MRTFA: variants seen among roughly 807,000 people sequenced by gnomAD.
The protein encoded by MRTFA is myocardin related transcription factor A.
In MRTFA, 20 loss-of-function variants were observed where a neutral mutation model predicts 83.5. The ratio of observed to expected loss-of-function variants is 0.24; its 90% confidence interval spans 0.17 to 0.35. The LOEUF is 0.35. Among genes scored for constraint, MRTFA ranks in the 10% least tolerant of loss-of-function variants. The pLI is 1.00. For synonymous variants in MRTFA, 659 were observed against 541.2 expected, an observed-to-expected ratio of 1.22 and a Z score of -3.02; for missense variants, 1,200 against 1,224.7, an observed-to-expected ratio of 0.98 and a Z score of 0.30.
chr22:40,633,250 A>G (rs2056659968), intron 1 of MRTFA, among the ~76,000 whole-genome samples: 1 of 152,206 alleles, frequency 6.6e-6, no homozygotes, highest in South Asian at 2.1e-4. Flanking sequence ...CGGAGTAAAT[A>G]TATATTTGTT....
At chr22:40,432,582 A>G (rs2053089122) in intron 5 of MRTFA, among the ~76,000 whole-genome samples, 1 of 152,066 alleles carries the variant, frequency 6.6e-6, no homozygotes, top group African/African-American at 2.4e-5. Context: ...ACATTAGTGG[A>G]TCAAGACCAG....
intron 7 of MRTFA, among the ~76,000 whole-genome samples, chr22:40,428,241 T>C (rs1012096946): frequency 6.6e-6 from 1 of 152,124 alleles, no homozygotes; most frequent in Admixed American, 6.6e-5. Context: ...TGGGGCTAAG[T>C]CTTGTGGGAC....
chr22:40,622,346 T>C (rs2056533268), intron 1 of MRTFA, among the ~76,000 whole-genome samples: 1 of 152,008 alleles, frequency 6.6e-6, no homozygotes, highest in Non-Finnish European at 1.5e-5. Flanking sequence ...CCAGGTATGA[T>C]GGTGGCCTCC....
chr22:40,573,247 CTTTT>C (rs945880853), intron 2 of MRTFA, among the ~76,000 whole-genome samples: 1 of 151,878 alleles, frequency 6.6e-6, no homozygotes, highest in African/African-American at 2.4e-5. Flanking sequence ...TATTTTTGGT[CTTTT>C]TTTTGTTTTG....
intron 4 of MRTFA, among the ~76,000 whole-genome samples, chr22:40,446,917 C>G (rs2053388992): frequency 6.6e-6 from 1 of 152,114 alleles, no homozygotes. Context: ...GGAGCTTATA[C>G]TTAATTGAAG....
At chr22:40,448,692 C>T (rs547583010) in intron 4 of MRTFA, among the ~76,000 whole-genome samples, 14 of 152,288 alleles carry the variant, frequency 9.2e-5, no homozygotes, top group African/African-American at 2.6e-4. Context: ...ACAAATTCTC[C>T]TATTTCTTTT....
chr22:40,539,425 C>T (rs775679019), intron 3 of MRTFA, among the ~76,000 whole-genome samples: 4 of 151,172 alleles, frequency 2.6e-5, no homozygotes, highest in Non-Finnish European at 5.9e-5. Context: ...CTGCAACCTC[C>T]ACCTCCTGGG....
chr22:40,417,564 G>A, intron 12 of MRTFA, 71 bp from the exon 13 acceptor site: 1 of 395,358 alleles, frequency 2.5e-6, no homozygotes, highest in Non-Finnish European at 4.8e-6. Flanking sequence ...GTAGGGGGCG[G>A]GGGGCGGGGA....
chr22:40,586,109 G>A (rs2056023660), intron 2 of MRTFA, among the ~76,000 whole-genome samples: 1 of 152,174 alleles, frequency 6.6e-6, no homozygotes, highest in East Asian at 1.9e-4. Context: ...CATTGCCCTA[G>A]AGACTGATAA....
rs181733206 is a variant in MRTFA, at chr22:40,475,903, G to A, written c.242-12617C>T. ...CTCACGCCTGTATTCCCAGCACTTC[G>A]GGAGGCCGAGGCGGGTGGATCACGA... On this transcript the variant is annotated intron_variant, in intron 3 of 14. Transcript: ENST00000355630. 1.4e-4 allele frequency among the ~76,000 whole-genome samples: 22 copies of A among 152,290 alleles called. No homozygotes were observed. The East Asian group carries it at 2.9e-3, about 20-fold the overall frequency.
intron 3 of MRTFA, among the ~76,000 whole-genome samples, chr22:40,546,488 G>A (rs1237495573): frequency 6.6e-6 from 1 of 152,184 alleles, no homozygotes; most frequent in Non-Finnish European, 1.5e-5. Flanking sequence ...ATGCAAAGAG[G>A]TCAAGTAGCA....
intron 2 of MRTFA, among the ~76,000 whole-genome samples, chr22:40,584,667 T>C (rs1300710574): frequency 1.3e-5 from 2 of 149,022 alleles, no homozygotes; most frequent in Non-Finnish European, 3.0e-5. Flanking sequence ...GAGGCAGAGG[T>C]TGTGGTGAGC....
chr22:40,429,922 G>T (rs932956599), intron 6 of MRTFA, among the ~76,000 whole-genome samples, 155 bp from the exon 7 acceptor site: 4 of 152,082 alleles, frequency 2.6e-5, no homozygotes, highest in Admixed American at 2.6e-4. Flanking sequence ...CTGTCTTGAA[G>T]TTTCACAAAG....
intron 2 of MRTFA, among the ~76,000 whole-genome samples, chr22:40,583,317 G>A (rs2055977955): frequency 6.6e-6 from 1 of 152,100 alleles, no homozygotes; most frequent in African/African-American, 2.4e-5. Context: ...TCACAAACTA[G>A]GCAGTCAGAA....
intron 12 of MRTFA, 31 bp from the exon 13 acceptor site, chr22:40,417,524 G>GC: frequency 8.0e-7 from 1 of 1,243,278 alleles, no homozygotes; most frequent in Non-Finnish European, 1.1e-6. Flanking sequence ...AGGACCAGTG[G>GC]CCAGGGGGCT....
At chr22:40,504,261 C>A (rs1026025979) in intron 3 of MRTFA, among the ~76,000 whole-genome samples, 1 of 152,080 alleles carries the variant, frequency 6.6e-6, no homozygotes, top group African/African-American at 2.4e-5. Flanking sequence ...CATCTGTAAT[C>A]CCAGGTACTT....
intron 1 of MRTFA, among the ~76,000 whole-genome samples, chr22:40,608,111 G>A (rs1055644748): frequency 7.9e-5 from 12 of 152,084 alleles, no homozygotes; most frequent in Admixed American, 1.3e-4. Context: ...TGCAACCTCC[G>A]CCTCCTGGGT....
intron 2 of MRTFA, among the ~76,000 whole-genome samples, chr22:40,557,430 G>C (rs2055540632): frequency 6.6e-6 from 1 of 152,122 alleles, no homozygotes; most frequent in Admixed American, 6.6e-5. Flanking sequence ...CTTGGTGTGA[G>C]ATTAAGTAAA....
At chr22:40,560,270 T>C (rs2055593924) in intron 2 of MRTFA, among the ~76,000 whole-genome samples, 1 of 152,184 alleles carries the variant, frequency 6.6e-6, no homozygotes, top group African/African-American at 2.4e-5. Context: ...CTAGTATTTT[T>C]TAAAAAATAA....
Sources: gnomAD v4.1 joint callset for allele counts (sites outside exome capture counted in the v4.1 genomes callset) on GRCh38, gnomAD v4.1.1 for gene constraint, MANE v1.5 for transcripts, NCBI Gene and HGNC (gene_info 2026-07-23, HGNC 2026-07-21) for gene names.